The following TET2 variants were observed in gnomAD, a reference collection of about 807,000 sequenced individuals.
The protein encoded by TET2 is methylcytosine dioxygenase TET2.
In TET2, 299 loss-of-function variants were observed where a neutral mutation model predicts 142.9. That is an observed-to-expected ratio of 2.09 (90% CI 1.90 to 2.30). TET2 has a LOEUF of 2.30. Among genes scored for constraint, TET2 ranks in the 30% most tolerant of loss-of-function variants. The pLI is 0.00. For missense variants in TET2, 2,418 were observed against 2,378.0 expected (o/e 1.02, Z -0.35); for synonymous variants, 819 against 849.0 (o/e 0.96, Z 0.61).
In TET2 at chr4:105,237,241, T is replaced by C. The variant is rs1485125544; in HGVS notation, c.3299T>C (p.Val1100Ala). The change falls in exon 3 of 11, where the codon GTT becomes GCT. Residue 1100 changes from valine (V) to alanine (A), a missense_variant. Transcript: ENST00000380013. ...KTPTKRTAAS[V>A]LNNFIESPSK... ...CCAACCAAAAGAACAGCTGCTTCTG[T>C]TCTCAATAATTTTATAGAGTCACCT... 1 of 1,614,122 alleles carries C rather than the reference T, an allele frequency of 6.2e-7. No homozygotes were observed. The highest frequency in any genetic ancestry group is 1.7e-5 in the Admixed American group (1 of 60,004).
chr4:105,259,349 T>C (rs570345891), intron 6 of TET2, among the ~76,000 whole-genome samples: 1 of 152,296 alleles, frequency 6.6e-6, no homozygotes, highest in Admixed American at 6.5e-5. Context: ...ATAGTAAATA[T>C]TTTGTTTCTT....
intron 1 of TET2, among the ~76,000 whole-genome samples, chr4:105,154,802 G>C (rs1199419759): frequency 2.6e-5 from 4 of 152,102 alleles, no homozygotes; most frequent in Admixed American, 6.6e-5. Context: ...AAGTGGGTGG[G>C]TCTCTTGAGC....
At position 105,235,784 on chromosome 4, in the gene TET2, G is replaced by C. The variant is rs755580531; in HGVS notation, c.1842G>C (p.Gly614=). The C allele has an allele frequency of 3.1e-6, 5 of 1,613,896 alleles. No homozygotes were observed. Among genetic ancestry groups the C allele is most frequent in the Non-Finnish European group, 3.4e-6 (4 of 1,180,012 alleles). ...CTGGAAATTCCAACATGCCTGGGGG[G>C]CTCCCAAGGCAAGCTTACACCCAGA... The part of the protein sequence containing the change: ...QYTGNSNMPG[G]LPRQAYTQKT... The change falls in exon 3 of 11, where the codon GGG becomes GGC. Residue 614 remains glycine (G), a synonymous_variant. Transcript: ENST00000380013.
chr4:105,219,701 T>C (rs979400620), intron 2 of TET2, among the ~76,000 whole-genome samples: 2 of 152,084 alleles, frequency 1.3e-5, no homozygotes, highest in Non-Finnish European at 2.9e-5. Context: ...TATGAGACAA[T>C]GTATCAAACA....
rs1420152999 is a variant in TET2 at position 105,275,890 on chromosome 4, G to A, written c.5380G>A (p.Ala1794Thr). ...NKENDMLSHT[A>T]NGLSKMLPAL... ...GGAGAATGACATGCTTTCCCACACAGCTAATGGGTTATCAAAGATGCTTCC... is the reference window on the plus strand; with the variant it reads ...GGAGAATGACATGCTTTCCCACACAACTAATGGGTTATCAAAGATGCTTCC... Residue 1794 changes from alanine (A) to threonine (T), a missense_variant, in exon 11 of 11, where the codon GCT becomes ACT. Transcript: ENST00000380013. 1.3e-6 allele frequency: 2 copies of A among 1,552,020 alleles called. No homozygotes were observed. Among genetic ancestry groups the A allele is most frequent in the South Asian group, 2.4e-5 (2 of 84,068 alleles).
intron 3 of TET2, chr4:105,239,083 T>TTTTTTTTTTTG (rs754799213): frequency 1.0e-4 from 24 of 236,172 alleles, no homozygotes; most frequent in Middle Eastern, 1.4e-3. Context: ...TGTTTTTTTT[T>TTTTTTTTTTTG]TTTGTTTTTT....
intron 1 of TET2, 61 bp from the exon 2 acceptor site, chr4:105,190,299 A>G: frequency 1.8e-6 from 1 of 558,492 alleles, no homozygotes; most frequent in South Asian, 2.4e-5. Flanking sequence ...TCTTTATATC[A>G]GGTGTATATA....
chr4:105,228,999 C>A (rs1226945428), intron 2 of TET2, among the ~76,000 whole-genome samples: 1 of 152,110 alleles, frequency 6.6e-6, no homozygotes, highest in African/African-American at 2.4e-5. Context: ...CTAGTACTCA[C>A]ATTAAAACAA....
rs1204292866 is a variant in TET2, at chr4:105,276,941, G to C, written c.*422G>C. On this transcript the variant is annotated 3_prime_UTR_variant, in exon 11 of 11. Coordinates refer to ENST00000380013, the MANE Select transcript of TET2 (RefSeq NM_001127208.3). Reference sequence around the variant, plus strand: ...ATCAAACAAGTACTGTAGTATTACAGTGACAGGAATCTTAAAATACCATCT... The same window carrying C: ...ATCAAACAAGTACTGTAGTATTACACTGACAGGAATCTTAAAATACCATCT... The C allele has an allele frequency of 8.6e-6, 2 of 231,330 alleles. No individual in the cohort carries two copies. The highest frequency in any genetic ancestry group is 1.7e-5 in the Non-Finnish European group (2 of 119,650). The allele number at this position is 231,330 out of a possible 1,614,324, so 14.3% of individuals were successfully genotyped here.
intron 1 of TET2, among the ~76,000 whole-genome samples, chr4:105,162,634 T>C (rs928920962): frequency 6.6e-6 from 1 of 152,228 alleles, no homozygotes; most frequent in African/African-American, 2.4e-5. Context: ...TCAAACTCTT[T>C]TAGAAGCTAG....
At chr4:105,182,421 G>A (rs1392477454) in intron 1 of TET2, among the ~76,000 whole-genome samples, 2 of 152,184 alleles carry the variant, frequency 1.3e-5, no homozygotes, top group African/African-American at 4.8e-5. Context: ...GGACATATGA[G>A]CTGTTAAATA....
At chr4:105,200,327 G>A (rs1187967265) in intron 2 of TET2, among the ~76,000 whole-genome samples, 5 of 152,038 alleles carry the variant, frequency 3.3e-5, no homozygotes, top group African/African-American at 9.7e-5. Flanking sequence ...TTTGTTGGCC[G>A]CATGTATGTC....
chr4:105,184,253 G>A (rs963644977), intron 1 of TET2, among the ~76,000 whole-genome samples: 8 of 151,530 alleles, frequency 5.3e-5, no homozygotes, highest in Middle Eastern at 3.4e-3. Flanking sequence ...TTTTATTTTC[G>A]GAAACTATAT....
chr4:105,239,325 T>C lies in TET2; in HGVS notation c.3409+1974T>C, dbSNP rs144346620. The C allele has an allele frequency of 1.5e-3, 355 of 240,028 alleles. 2 individuals carry two copies. Among genetic ancestry groups the C allele is most frequent in the African/African-American group, 7.5e-3 (337 of 45,058 alleles). 14.9% of individuals were successfully genotyped at this position (240,028 alleles called of 1,614,324 possible). On this transcript the variant is annotated intron_variant, in intron 3 of 10. Transcript: ENST00000380013. ...TCAGCCTGTCCTTTGAAGCAAGGCA[T>C]TGACTTCTATCTATGAAAGTCTTAG...
At chr4:105,152,352 A>G (rs62331151) in intron 1 of TET2, among the ~76,000 whole-genome samples, 31,491 of 152,072 alleles carry the variant, frequency 0.21, 4,251 homozygotes, top group East Asian at 0.62. Context: ...AGGACAGTCT[A>G]GGATATAAAA....
At position 105,273,485 on chromosome 4, in the gene TET2, C is replaced by T. The variant is rs536188589; in HGVS notation, c.4537+567C>T. Among the ~76,000 whole-genome samples, 94 of 152,184 alleles carry T rather than the reference C, an allele frequency of 6.2e-4. 1 individual carries two copies. In the South Asian group the frequency reaches 0.018, roughly 30 times the overall value. ...ACACAGTAAACCAGAACTGAGGTAA[C>T]AAGACCTTGAATTTTGTTGGTTAGT... On this transcript the variant is annotated intron_variant, in intron 10 of 10. Coordinates refer to ENST00000380013, the MANE Select transcript of TET2 (RefSeq NM_001127208.3).
intron 8 of TET2, among the ~76,000 whole-genome samples, chr4:105,265,996 G>A (rs1730664606): frequency 6.6e-6 from 1 of 152,130 alleles, no homozygotes; most frequent in African/African-American, 2.4e-5. Flanking sequence ...CAGAATATCA[G>A]AGAGGAGAGA....
chr4:105,276,624 G>T lies in TET2; in HGVS notation c.*105G>T. The stretch of plus-strand genomic sequence containing the variant: ...AGTGGGGAAAGGTCACAGTATTCAT[G>T]ACAAATGTGGTGGGAAAAACCTCAG... On this transcript the variant is annotated 3_prime_UTR_variant, in exon 11 of 11. Transcript: ENST00000380013. 7.7e-7 allele frequency: 1 copy of T among 1,304,210 alleles called. No homozygotes were observed. The highest frequency in any genetic ancestry group is 1.6e-5 in the South Asian group (1 of 62,248). The allele number at this position is 1,304,210 out of a possible 1,614,324, so 80.8% of individuals were successfully genotyped here. A position where few individuals can be genotyped will look rare whatever the true frequency, so the allele number is the denominator to read the frequency against.
At position 105,233,964 on chromosome 4, in the gene TET2, C is replaced by G. The variant is rs147112198; in HGVS notation, c.22C>G (p.His8Asp). 1.2e-4 allele frequency: 189 copies of G among 1,613,794 alleles called. 2 individuals carry two copies. The African/African-American group carries it at 2.4e-3, about 20-fold the overall frequency. Residue 8 changes from histidine to aspartate, a missense_variant, in exon 3 of 11, where the codon CAT becomes GAT. Coordinates refer to ENST00000380013, the MANE Select transcript of TET2 (RefSeq NM_001127208.3). MEQDRTN[H>D]VEGNRLSPFL... ...CCTGATGGAACAGGATAGAACCAAC[C>G]ATGTTGAGGGCAACAGACTAAGTCC...
Sources: gnomAD v4.1 joint callset for allele counts (sites outside exome capture counted in the v4.1 genomes callset) on GRCh38, gnomAD v4.1.1 for gene constraint, MANE v1.5 for transcripts, NCBI Gene and HGNC (gene_info 2026-07-23, HGNC 2026-07-21) for gene names.